Variants in HUNK observed in about 807,000 individuals in gnomAD.
HUNK encodes hormonally up-regulated neu tumor-associated kinase.
In HUNK, 21 loss-of-function variants were observed where a neutral mutation model predicts 61.0. The observed-to-expected ratio is 0.34, with a 90% confidence interval of 0.24 to 0.50. The LOEUF (loss-of-function observed/expected upper bound fraction) is 0.50. HUNK is among the 20% of genes least tolerant of loss of function. HUNK has a pLI of 0.98. For synonymous variants in HUNK, 371 were observed against 386.1 expected (o/e 0.96, Z 0.46); for missense variants, 772 against 945.7 (o/e 0.82, Z 2.41).
At chr21:31,961,243 T>C (rs185402820) in intron 5 of HUNK, among the ~76,000 whole-genome samples, 50 of 151,952 alleles carry the variant, frequency 3.3e-4, no homozygotes, top group Non-Finnish European at 6.2e-4. Flanking sequence ...TTTTTTTTTA[T>C]TGGTGAGTAG....
chr21:31,990,517 C>CTTTATTTATTTATTTA (rs3056170), intron 9 of HUNK, among the ~76,000 whole-genome samples: 33 of 142,938 alleles, frequency 2.3e-4, no homozygotes, highest in African/African-American at 4.2e-4. Context: ...ATGTTAATCA[C>CTTTATTTATTTATTTA]TTTATTTATT....
In HUNK at chr21:31,873,269, G is replaced by A. The variant is rs1304114339; in HGVS notation, c.-406G>A. ...CGGCGGCGGCGAGGCGGAGGCTGCG[G>A]AGGCACCCGGGCTCCCGGACCCAGG... On this transcript the variant is annotated 5_prime_UTR_variant, in exon 1 of 11. Transcript: ENST00000270112. The surrounding 1 kb of genome is among the most constrained non-coding windows in gnomAD (Gnocchi z 6.1). 6.6e-6 allele frequency: 1 copy of A among 151,868 alleles called. No individual in the cohort carries two copies. Among genetic ancestry groups the A allele is most frequent in the African/African-American group, 2.4e-5 (1 of 41,350 alleles). 9.4% of individuals were successfully genotyped at this position (151,868 alleles called of 1,614,324 possible).
chr21:31,955,868 G>A (rs556599633), intron 4 of HUNK, among the ~76,000 whole-genome samples: 2 of 152,376 alleles, frequency 1.3e-5, no homozygotes, highest in Admixed American at 6.5e-5. Flanking sequence ...CTTTAGGTGT[G>A]AATGTTAGAG....
intron 1 of HUNK, among the ~76,000 whole-genome samples, chr21:31,883,692 G>T (rs35041969): frequency 0.12 from 17,560 of 152,172 alleles, 1,154 homozygotes; most frequent in African/African-American, 0.18. Context: ...CCTATCAATT[G>T]TGTGCATGTA....
rs369373521 is a variant in HUNK, at chr21:31,998,837, T to G, written c.1798T>G (p.Ser600Ala). The change falls in exon 11 of 11, where the codon TCC becomes GCC. Residue 600 changes from serine (S) to alanine (A), a missense_variant. Ser to Ala is a moderately conservative substitution (Grantham distance 99). Coordinates refer to ENST00000270112, the MANE Select transcript of HUNK (RefSeq NM_014586.2). The part of the protein sequence containing the change: ...ARRNSSERTL[S>A]PGLPSGSMSP... ...CAGAAATTCCAGCGAGAGGACGCTG[T>G]CCCCGGGTCTGCCATCCGGAAGCAT... 1 of 1,614,016 alleles carries G rather than the reference T, an allele frequency of 6.2e-7. No individual in the cohort carries two copies. The highest frequency in any genetic ancestry group is 8.5e-7 in the Non-Finnish European group (1 of 1,180,030).
At chr21:31,977,966 G>A (rs2053062664) in intron 7 of HUNK, among the ~76,000 whole-genome samples, 1 of 152,236 alleles carries the variant, frequency 6.6e-6, no homozygotes, top group Admixed American at 6.5e-5. Context: ...CCAAAGCGCT[G>A]GGATTATAGG....
At chr21:31,963,549 GTGCAGTGGCACAATCATGGCTCAC>G (rs1476996931) in intron 5 of HUNK, among the ~76,000 whole-genome samples, 1 of 152,202 alleles carries the variant, frequency 6.6e-6, no homozygotes, top group Non-Finnish European at 1.5e-5. Context: ...CCTGGCTGGA[GTGCAGTGGCACAATCATGGCTCAC>G]TGCAGCCTCG....
chr21:31,976,906 GACT>G (rs1310939552), intron 7 of HUNK, among the ~76,000 whole-genome samples: 1 of 151,776 alleles, frequency 6.6e-6, no homozygotes, highest in Non-Finnish European at 1.5e-5. Flanking sequence ...GAGTAGCTGG[GACT>G]ACAGGTACGC....
intron 1 of HUNK, among the ~76,000 whole-genome samples, chr21:31,911,629 C>T (rs187314984): frequency 3.3e-5 from 5 of 152,192 alleles, no homozygotes; most frequent in Non-Finnish European, 7.4e-5. Context: ...CTTCCTGTCC[C>T]TCTAGATTCG....
chr21:31,957,398 T>C (rs2052896777), intron 4 of HUNK, among the ~76,000 whole-genome samples: 1 of 152,206 alleles, frequency 6.6e-6, no homozygotes, highest in Non-Finnish European at 1.5e-5. Context: ...CAGGTCTTAC[T>C]ATATGTCTGA....
intron 8 of HUNK, 110 bp from the exon 9 acceptor site, chr21:31,990,019 A>G: frequency 2.0e-6 from 2 of 996,796 alleles, no homozygotes; most frequent in Non-Finnish European, 3.2e-6. Context: ...TGTCTATGAA[A>G]ACCGAAACGA....
Position 31,974,721 on chromosome 21 carries a change from A to G in HUNK, c.1173+4A>G. 2.5e-6 allele frequency: 4 copies of G among 1,612,222 alleles called. No individual in the cohort carries two copies. The highest frequency in any genetic ancestry group is 3.4e-6 in the Non-Finnish European group (4 of 1,179,142). On this transcript the variant is annotated splice_donor_region_variant and intron_variant, in intron 7 of 10. Coordinates refer to ENST00000270112, the MANE Select transcript of HUNK (RefSeq NM_014586.2). ...ACTGGAGCGCTATTTGTCAGGGGTA[A>G]GTGCGACCCTAGAGGCGATCGTCTC...
chr21:31,925,363 A>G (rs1387251152), intron 2 of HUNK, among the ~76,000 whole-genome samples: 1 of 152,176 alleles, frequency 6.6e-6, no homozygotes, highest in Non-Finnish European at 1.5e-5. Context: ...AATATATGGG[A>G]AGAGCTTGGG....
chr21:31,938,855 GATA>G (rs1007082499), intron 2 of HUNK, among the ~76,000 whole-genome samples: 1 of 152,220 alleles, frequency 6.6e-6, no homozygotes, highest in African/African-American at 2.4e-5. Flanking sequence ...TGCCAGAGCT[GATA>G]ATAATTGACC....
intron 2 of HUNK, among the ~76,000 whole-genome samples, chr21:31,935,307 A>G (rs1328989701): frequency 2.6e-5 from 4 of 152,212 alleles, no homozygotes; most frequent in African/African-American, 9.6e-5. Context: ...AGAAACTATG[A>G]GAGTTCCCGC....
At chr21:31,986,900 C>G (rs561096797) in intron 8 of HUNK, among the ~76,000 whole-genome samples, 2 of 152,272 alleles carry the variant, frequency 1.3e-5, no homozygotes, top group African/African-American at 4.8e-5. Flanking sequence ...CATCCTGGGG[C>G]CTGTCCCATT....
At chr21:31,886,796 C>T (rs2052349504) in intron 1 of HUNK, among the ~76,000 whole-genome samples, 1 of 152,098 alleles carries the variant, frequency 6.6e-6, no homozygotes, top group Non-Finnish European at 1.5e-5. Context: ...CAGGTGCACA[C>T]CACCACGCCC....
intron 5 of HUNK, among the ~76,000 whole-genome samples, chr21:31,962,114 C>A (rs188295397): frequency 6.6e-6 from 1 of 152,310 alleles, no homozygotes; most frequent in African/African-American, 2.4e-5. Flanking sequence ...AGTTCTTTCG[C>A]CAGCAATTAA....
intron 4 of HUNK, among the ~76,000 whole-genome samples, chr21:31,958,356 T>C (rs528648526): frequency 5.3e-5 from 8 of 152,016 alleles, no homozygotes; most frequent in Non-Finnish European, 7.4e-5. Flanking sequence ...TGGAGTGCAA[T>C]GGCGTGATCT....
Sources: allele counts gnomAD v4.1 joint callset (sites outside exome capture counted in the v4.1 genomes callset), GRCh38; gene constraint gnomAD v4.1.1; non-coding constraint Gnocchi (gnomAD v3.1); transcripts MANE v1.5; gene names NCBI Gene and HGNC (gene_info 2026-07-23, HGNC 2026-07-21).